ABCA13: variants seen among roughly 807,000 people sequenced by gnomAD.
ABCA13 encodes ATP-binding cassette sub-family A member 13.
Under a neutral mutation model 478.7 loss-of-function variants are expected in ABCA13, and 476 were observed. That is an observed-to-expected ratio of 0.99 (90% CI 0.92 to 1.07). The LOEUF (loss-of-function observed/expected upper bound fraction) is 1.07. Among genes scored for constraint, ABCA13 ranks in the 50% least tolerant of loss-of-function variants. ABCA13 has a pLI of 0.00. For missense variants in ABCA13, 6,060 were observed against 5,910.6 expected, an observed-to-expected ratio of 1.03 and a Z score of -0.83; for synonymous variants, 2,252 against 2,158.9, an observed-to-expected ratio of 1.04 and a Z score of -1.20.
At chr7:48,520,338 A>C (rs747209526) in intron 53 of ABCA13, 44 bp downstream of exon 53, 4 of 1,532,864 alleles carry the variant, frequency 2.6e-6, no homozygotes, top group Non-Finnish European at 3.5e-6. Flanking sequence ...TTACTCCTGC[A>C]AAATGAGAGG....
Position 48,335,549 on chromosome 7 carries a change from C to G in ABCA13, c.10113+14C>G. 6.2e-7 allele frequency: 1 copy of G among 1,605,484 alleles called. No homozygotes were observed. Among genetic ancestry groups the G allele is most frequent in the Non-Finnish European group, 8.5e-7 (1 of 1,172,678 alleles). ...AACCAGCTGCAGGTGAGTGGTTGGT[C>G]TTTGCCACCGAGGGATGGGGAGCTA... On this transcript the variant is annotated intron_variant, in intron 28 of 61. Coordinates refer to ENST00000435803, the MANE Select transcript of ABCA13 (RefSeq NM_152701.5).
At chr7:48,638,542 A>T (rs1794866596) in intron 59 of ABCA13, among the ~76,000 whole-genome samples, 1 of 152,186 alleles carries the variant, frequency 6.6e-6, no homozygotes. Context: ...TATTTGTCAA[A>T]GGCTCTCTTT....
rs377173587 is a variant in ABCA13, at chr7:48,314,273, T to C, written c.9723T>C (p.Ser3241=). The part of the protein sequence containing the change: ...NVQARSSAFG[S]FQFVMKMVCK... Reference sequence around the variant, plus strand: ...AGGCCAGAAGTTCAGCTTTTGGTTCTTTCCAGTTTGTGATGAAGATGGTTT... The same window carrying C: ...AGGCCAGAAGTTCAGCTTTTGGTTCCTTCCAGTTTGTGATGAAGATGGTTT... The change falls in exon 26 of 62, where the codon TCT becomes TCC. Residue 3241 remains serine (S), a synonymous_variant. Transcript: ENST00000435803. 2 of 1,613,602 alleles carry C rather than the reference T, an allele frequency of 1.2e-6. No individual in the cohort carries two copies. The highest frequency in any genetic ancestry group is 1.7e-5 in the Admixed American group (1 of 59,956).
chr7:48,361,087 C>A (rs1354024826), intron 31 of ABCA13, among the ~76,000 whole-genome samples: 2 of 150,494 alleles, frequency 1.3e-5, no homozygotes, highest in Non-Finnish European at 2.9e-5. Context: ...CAGAGTGAGA[C>A]CCTGTTTGGA....
intron 58 of ABCA13, among the ~76,000 whole-genome samples, chr7:48,615,019 A>G (rs553771456): frequency 7.3e-5 from 11 of 150,764 alleles, no homozygotes; most frequent in African/African-American, 2.7e-4. Flanking sequence ...CATGTACCCT[A>G]AAACTTAAAG....
At chr7:48,338,308 A>T (rs1485443667) in intron 28 of ABCA13, 57 bp from the exon 29 acceptor site, 1 of 1,280,678 alleles carries the variant, frequency 7.8e-7, no homozygotes, top group Non-Finnish European at 1.1e-6. Context: ...AATAAGTATT[A>T]TTCAATAATA....
At chr7:48,512,070 A>G (rs762621676) in intron 51 of ABCA13, among the ~76,000 whole-genome samples, 31 of 152,036 alleles carry the variant, frequency 2.0e-4, no homozygotes, top group Admixed American at 4.6e-4. Flanking sequence ...AGAGAAAGAA[A>G]GATAGACAGG....
At chr7:48,296,461 T>C (rs1237227646) in intron 21 of ABCA13, among the ~76,000 whole-genome samples, 4 of 147,160 alleles carry the variant, frequency 2.7e-5, no homozygotes, top group Non-Finnish European at 6.0e-5. Context: ...TCTTTTCTTT[T>C]CTCTTTTTTT....
intron 46 of ABCA13, 124 bp downstream of exon 46, chr7:48,481,278 CCA>C (rs1314861162): frequency 2.6e-6 from 2 of 759,882 alleles, no homozygotes; most frequent in African/African-American, 3.6e-5. Context: ...CATAAAAATT[CCA>C]CAGTGTGTGA....
At chr7:48,591,795 T>C (rs1393197484) in intron 57 of ABCA13, among the ~76,000 whole-genome samples, 2 of 152,014 alleles carry the variant, frequency 1.3e-5, no homozygotes, top group Non-Finnish European at 2.9e-5. Context: ...GGAAGCACTA[T>C]TGATATTTGT....
chr7:48,379,950 A>T (rs1338287236), intron 35 of ABCA13, among the ~76,000 whole-genome samples: 1 of 152,236 alleles, frequency 6.6e-6, no homozygotes, highest in Non-Finnish European at 1.5e-5. Context: ...TTCTCCATTC[A>T]GCCTCCAGTC....
intron 59 of ABCA13, among the ~76,000 whole-genome samples, chr7:48,631,684 GT>G (rs199800379): frequency 1.5e-4 from 22 of 150,844 alleles, no homozygotes; most frequent in Non-Finnish European, 2.2e-4. Context: ...TTTTAGAATA[GT>G]TTTTTTTTAA....
At chr7:48,505,191 C>G (rs1462532357) in intron 48 of ABCA13, among the ~76,000 whole-genome samples, 1 of 152,046 alleles carries the variant, frequency 6.6e-6, no homozygotes, top group Non-Finnish European at 1.5e-5. Context: ...CCGGAACTTG[C>G]CTTAGTACGT....
intron 47 of ABCA13, among the ~76,000 whole-genome samples, chr7:48,486,826 G>C (rs1483929664): frequency 6.6e-6 from 1 of 152,118 alleles, no homozygotes; most frequent in Non-Finnish European, 1.5e-5. Flanking sequence ...CTCCACTGTT[G>C]CATCTGATGA....
At position 48,352,487 on chromosome 7, in the gene ABCA13, T is replaced by C. The variant is rs764443767; in HGVS notation, c.10688T>C (p.Leu3563Pro). The C allele has an allele frequency of 1.8e-5, 28 of 1,596,576 alleles. 1 individual carries two copies. The South Asian group carries it at 2.7e-4, about 15-fold the overall frequency. ...AAPYPCHTSD[L>P]FLNNVGFFFP... ...CCTTACCCCTGCCATACCAGCGACC[T>C]GTGAGTAGCCTGGGGCAGGAGCCAC... Residue 3563 changes from leucine (L) to proline (P), a missense_variant and splice_region_variant, in exon 31 of 62, where the codon CTA becomes CCA. Leu to Pro is a moderately conservative substitution (Grantham distance 98). Coordinates refer to ENST00000435803, the MANE Select transcript of ABCA13 (RefSeq NM_152701.5).
At chr7:48,392,641 G>C (rs1237663572) in intron 38 of ABCA13, among the ~76,000 whole-genome samples, 1 of 152,162 alleles carries the variant, frequency 6.6e-6, no homozygotes, top group East Asian at 1.9e-4. Context: ...GAGCAAGTAG[G>C]TGTTCATGAG....
intron 58 of ABCA13, among the ~76,000 whole-genome samples, chr7:48,604,224 A>G (rs1294180268): frequency 6.6e-6 from 1 of 151,688 alleles, no homozygotes; most frequent in Non-Finnish European, 1.5e-5. Context: ...TTGTGTCTCT[A>G]TCTCCTTCAG....
intron 31 of ABCA13, among the ~76,000 whole-genome samples, 171 bp from the exon 32 acceptor site, chr7:48,367,623 C>T (rs1254797630): frequency 1.3e-5 from 2 of 152,098 alleles, no homozygotes; most frequent in South Asian, 2.1e-4. Context: ...ATTTGCATAC[C>T]TACAAAATCA....
chr7:48,361,715 T>A (rs1017862226), intron 31 of ABCA13, among the ~76,000 whole-genome samples: 1 of 151,734 alleles, frequency 6.6e-6, no homozygotes, highest in African/African-American at 2.4e-5. Context: ...ATCCCATAGA[T>A]CTCATATGTA....
Sources: allele counts gnomAD v4.1 joint callset (sites outside exome capture counted in the v4.1 genomes callset), GRCh38; gene constraint gnomAD v4.1.1; transcripts MANE v1.5; gene names NCBI Gene and HGNC (gene_info 2026-07-23, HGNC 2026-07-21).